The following PIK3R6 variants were observed in gnomAD, a reference collection of about 807,000 sequenced individuals.
PIK3R6 encodes phosphoinositide 3-kinase regulatory subunit 6.
PIK3R6 carries 91 observed loss-of-function variants against 84.9 expected under a neutral mutation model. The ratio of observed to expected loss-of-function variants is 1.07; its 90% CI spans 0.90 to 1.28. PIK3R6 has a LOEUF of 1.28. PIK3R6 is among the 50% of genes most tolerant of loss of function. The pLI, the probability that PIK3R6 is intolerant of heterozygous loss-of-function variation, is 0.00. For missense variants in PIK3R6, 996 were observed against 985.1 expected, an observed-to-expected ratio of 1.01 and a Z score of -0.15; for synonymous variants, 416 against 411.4, an observed-to-expected ratio of 1.01 and a Z score of -0.13.
At chr17:8,818,518 G>A (rs542051586) in intron 18 of PIK3R6, among the ~76,000 whole-genome samples, 9 of 152,242 alleles carry the variant, frequency 5.9e-5, no homozygotes, top group African/African-American at 2.2e-4. Flanking sequence ...GCGAGGTGGT[G>A]CACGCCTGTA....
chr17:8,829,440 A>C (rs2088114265), intron 10 of PIK3R6, among the ~76,000 whole-genome samples: 1 of 150,876 alleles, frequency 6.6e-6, no homozygotes, highest in South Asian at 2.1e-4. Flanking sequence ...ATGGATACAC[A>C]CACTGACACG....
chr17:8,803,618 G>C lies in PIK3R6; in HGVS notation c.2109-189C>G. ...AACCTGGGCCTGGGGTTCACCGGGA[G>C]AGGAGACACTTGGAGCAAGTAACTC... On this transcript the variant is annotated intron_variant, in intron 19 of 19. Transcript: ENST00000619866. The surrounding 1 kb of genome is among the most constrained non-coding windows in gnomAD (Gnocchi z 5.0). 3.3e-6 allele frequency: 2 copies of C among 603,784 alleles called. No individual in the cohort carries two copies. Among genetic ancestry groups the C allele is most frequent in the Admixed American group, 3.3e-5 (1 of 30,028 alleles). 37.4% of individuals were successfully genotyped at this position (603,784 alleles called of 1,614,324 possible). A position where few individuals can be genotyped will look rare whatever the true frequency, so the allele number is the denominator to read the frequency against.
Position 8,835,473 on chromosome 17 carries a change from A to G in PIK3R6, c.462-17T>C. On this transcript the variant is annotated splice_polypyrimidine_tract_variant and intron_variant, in intron 7 of 19. Transcript: ENST00000619866. Reference sequence around the variant, plus strand: ...AGGAACACTCTGAGGGCAGAAGCAGAGGGGAGAGGTGGGATTGATAGTAAC... The same window carrying G: ...AGGAACACTCTGAGGGCAGAAGCAGGGGGGAGAGGTGGGATTGATAGTAAC... 6.5e-7 allele frequency: 1 copy of G among 1,532,724 alleles called. No individual in the cohort carries two copies. The highest frequency in any genetic ancestry group is 8.9e-7 in the Non-Finnish European group (1 of 1,126,198). The allele number at this position is 1,532,724 out of a possible 1,614,324, so 94.9% of individuals were successfully genotyped here.
At chr17:8,823,283 G>T in intron 14 of PIK3R6, 104 bp downstream of exon 14, 1 of 895,212 alleles carries the variant, frequency 1.1e-6, no homozygotes, top group Non-Finnish European at 1.8e-6. Flanking sequence ...AGAGCGTCTG[G>T]GTGTGTTCAT....
At chr17:8,820,246 C>T (rs1265672605) in intron 17 of PIK3R6, among the ~76,000 whole-genome samples, 1 of 151,866 alleles carries the variant, frequency 6.6e-6, no homozygotes, top group Non-Finnish European at 1.5e-5. Flanking sequence ...GAAGTCTGCT[C>T]TACCGAGGGT....
Position 8,833,067 on chromosome 17 carries a change from G to T in PIK3R6, c.646-22C>A, listed in dbSNP as rs114441951. 4,407 of 1,550,390 alleles carry T rather than the reference G, an allele frequency of 2.8e-3. 116 individuals carry two copies. The African/African-American group carries it at 0.052, about 18-fold the overall frequency. ...TGGCCTGTTGGGGAGGGGCGTCAGA[G>T]CCTGGGTCTTGGCCCAGCGCCCACG... On this transcript the variant is annotated intron_variant, in intron 8 of 19. Coordinates refer to ENST00000619866, the MANE Select transcript of PIK3R6 (RefSeq NM_001010855.4).
At chr17:8,821,682 G>C (rs1475412443) in intron 17 of PIK3R6, among the ~76,000 whole-genome samples, 164 bp downstream of exon 17, 1 of 152,114 alleles carries the variant, frequency 6.6e-6, no homozygotes, top group East Asian at 1.9e-4. Context: ...CTAGAGTCTG[G>C]GTGACCCGAC....
chr17:8,837,051 A>C, intron 5 of PIK3R6, 128 bp from the exon 6 acceptor site: 1 of 702,910 alleles, frequency 1.4e-6, no homozygotes, highest in Non-Finnish European at 2.4e-6. Flanking sequence ...GTCAGGCCTA[A>C]CAGCCAGACC....
At chr17:8,832,172 T>C (rs999334794) in intron 9 of PIK3R6, among the ~76,000 whole-genome samples, 2 of 152,316 alleles carry the variant, frequency 1.3e-5, no homozygotes, top group East Asian at 3.9e-4. Flanking sequence ...GGGCAAGATA[T>C]TTAACCTCTT....
chr17:8,803,549 G>A lies in PIK3R6; in HGVS notation c.2109-120C>T. 9.8e-7 allele frequency: 1 copy of A among 1,018,722 alleles called. No homozygotes were observed. Among genetic ancestry groups the A allele is most frequent in the East Asian group, 2.7e-5 (1 of 36,868 alleles). The allele number at this position is 1,018,722 out of a possible 1,614,324, so 63.1% of individuals were successfully genotyped here. ...GCTGTTATTGTAGGGCATAGAGGAG[G>A]CGGCTACACAGAAGAAAGAGGAAGA... On this transcript the variant is annotated intron_variant, in intron 19 of 19. Coordinates refer to ENST00000619866, the MANE Select transcript of PIK3R6 (RefSeq NM_001010855.4). The surrounding 1 kb of genome is among the most constrained non-coding windows in gnomAD (Gnocchi z 5.0).
At chr17:8,857,366 G>A (rs573877320) in intron 1 of PIK3R6, among the ~76,000 whole-genome samples, 1 of 152,310 alleles carries the variant, frequency 6.6e-6, no homozygotes, top group South Asian at 2.1e-4. Context: ...TAGAACCAGG[G>A]CTAGAGCCCA....
At position 8,828,922 on chromosome 17, in the gene PIK3R6, C is replaced by T. The variant is rs1436001066; in HGVS notation, c.958G>A (p.Asp320Asn). The T allele has an allele frequency of 3.3e-6, 5 of 1,531,356 alleles. No individual in the cohort carries two copies. Among genetic ancestry groups the T allele is most frequent in the Non-Finnish European group, 4.4e-6 (5 of 1,140,144 alleles). The allele number at this position is 1,531,356 out of a possible 1,614,324, so 94.9% of individuals were successfully genotyped here. Residue 320 changes from aspartate (D) to asparagine (N), a missense_variant, in exon 11 of 20, where the codon GAT becomes AAT. Transcript: ENST00000619866. ...CGGTCCGGCCGGAGGCCCTGCAGAT[C>T]CAAGACCTCCAAGTCAGCACTGAGG... ...LRLSADLEVL[D>N]LQGLRPDREL...
In PIK3R6 at chr17:8,827,745, GAGAGAGAGAGAGAGAGAGGA is replaced by G. The variant is rs1567583515; in HGVS notation, c.1392+347_1392+366del. ...GTATGAGAGAGGGGAGGGAAGGGGAGAGAGAGAGAGAGAGAGAGGAGAGAGAGAGAGAGAGAGAGAGAGAG... is the reference window on the plus strand; with the variant it reads ...GTATGAGAGAGGGGAGGGAAGGGGAGGAGAGAGAGAGAGAGAGAGAGAGAG... On this transcript the variant is annotated intron_variant, in intron 12 of 19. Transcript: ENST00000619866. Among the ~76,000 whole-genome samples, 460 of 89,546 alleles carry G rather than the reference GAGAGAGAGAGAGAGAGAGGA, an allele frequency of 5.1e-3. 19 individuals are homozygous for G. Among genetic ancestry groups the G allele is most frequent in the South Asian group, 0.01 (27 of 2,606 alleles). 58.7% of individuals were successfully genotyped at this position (89,546 alleles called of 152,430 possible).
At chr17:8,858,310 CTTTTTTTTTTTTT>C (rs752142944) in intron 1 of PIK3R6, among the ~76,000 whole-genome samples, 2 of 95,512 alleles carry the variant, frequency 2.1e-5, no homozygotes, top group Non-Finnish European at 4.0e-5. Flanking sequence ...CTCAATTAAT[CTTTTTTTTTTTTT>C]TTTTTTTTTT....
intron 10 of PIK3R6, 37 bp downstream of exon 10, chr17:8,829,669 T>G (rs775504914): frequency 6.5e-7 from 1 of 1,529,798 alleles, no homozygotes; most frequent in Admixed American, 2.0e-5. Flanking sequence ...GACACAGACA[T>G]ATACCACTGT....
intron 13 of PIK3R6, among the ~76,000 whole-genome samples, chr17:8,825,041 T>C (rs2087872892): frequency 6.6e-6 from 1 of 152,240 alleles, no homozygotes; most frequent in Non-Finnish European, 1.5e-5. Context: ...CTTTCTTTTA[T>C]ATTAGCAGCA....
At position 8,829,373 on chromosome 17, in the gene PIK3R6, G is replaced by A. The variant is rs538825548; in HGVS notation, c.889+333C>T. 3.0e-5 allele frequency among the ~76,000 whole-genome samples: 4 copies of A among 135,196 alleles called. No homozygotes were observed. In the South Asian group the frequency reaches 9.5e-4, roughly 32 times the overall value. 88.7% of individuals were successfully genotyped at this position (135,196 alleles called of 152,430 possible). A position where few individuals can be genotyped will look rare whatever the true frequency, so the allele number is the denominator to read the frequency against. ...ACACACTGACACACACACATGCATG[G>A]ATACACACACTGACACACACGCATG... On this transcript the variant is annotated intron_variant, in intron 10 of 19. Coordinates refer to ENST00000619866, the MANE Select transcript of PIK3R6 (RefSeq NM_001010855.4).
rs1208104183 is a variant in PIK3R6 at position 8,862,659 on chromosome 17, G to A, written c.-92+4870C>T. ...CCACAAGGGCAATGTGCAAGGTACT[G>A]ACCAATCAAACATGCCATGAGCATG... On this transcript the variant is annotated intron_variant, in intron 1 of 19. Coordinates refer to ENST00000619866, the MANE Select transcript of PIK3R6 (RefSeq NM_001010855.4). This position sits in a 1 kb window ranked among gnomAD's most constrained non-coding sequence, Gnocchi z 4.3. Among the ~76,000 whole-genome samples, 1 of 152,140 alleles carries A rather than the reference G, an allele frequency of 6.6e-6. No individual in the cohort carries two copies. The highest frequency in any genetic ancestry group is 1.9e-4 in the East Asian group (1 of 5,190).
intron 4 of PIK3R6, 118 bp from the exon 5 acceptor site, chr17:8,837,989 G>T: frequency 1.2e-6 from 1 of 814,882 alleles, no homozygotes; most frequent in Non-Finnish European, 2.1e-6. Context: ...CAGGGGGAGA[G>T]CAAAGGGCCA....
Sources: allele counts gnomAD v4.1 joint callset (sites outside exome capture counted in the v4.1 genomes callset), GRCh38; gene constraint gnomAD v4.1.1; non-coding constraint Gnocchi (gnomAD v3.1); transcripts MANE v1.5; gene names NCBI Gene and HGNC (gene_info 2026-07-23, HGNC 2026-07-21).